RBBP6: variants seen among roughly 807,000 people sequenced by gnomAD.
The protein encoded by RBBP6 is RB binding protein 6, ubiquitin ligase, also known as E3 ubiquitin-protein ligase RBBP6.
Under a neutral mutation model 167.7 loss-of-function variants are expected in RBBP6, and 25 were observed. The observed-to-expected ratio is 0.15, with a 90% CI of 0.11 to 0.21. The LOEUF is 0.21. Among genes scored for constraint, RBBP6 ranks in the 10% least tolerant of loss-of-function variants. RBBP6 has a pLI of 1.00. For missense variants in RBBP6, 1,868 were observed against 2,134.2 expected (o/e 0.88, Z 2.46); for synonymous variants, 789 against 735.8 (o/e 1.07, Z -1.17).
In RBBP6 at chr16:24,568,923, C is replaced by T. The variant is rs201619306; in HGVS notation, c.2233C>T (p.Arg745Cys). The T allele has an allele frequency of 4.3e-6, 7 of 1,614,224 alleles. No homozygotes were observed. The highest frequency in any genetic ancestry group is 1.7e-5 in the Admixed American group (1 of 60,028). ...RRGRGKSRNY[R>C]SRSRSHGYHR... is the part of the protein sequence containing the mutation. ...AGGCAGAGGCAAGAGCCGCAATTAC[C>T]GTTCACGGTCTAGATCTCATGGATA... Residue 745 changes from arginine to cysteine, a missense_variant, in exon 17 of 18, where the codon CGT becomes TGT. Around this residue, in one of 7 missense-constraint regions of RBBP6, gnomAD observed 673 missense variants for 691.5 expected, o/e 0.97. Transcript: ENST00000319715.
At chr16:24,550,209 A>G (rs917616696) in intron 3 of RBBP6, among the ~76,000 whole-genome samples, 38 of 151,926 alleles carry the variant, frequency 2.5e-4, no homozygotes, top group African/African-American at 7.5e-4. Context: ...ATTGGATCTT[A>G]AACATGATAA....
chr16:24,562,840 G>C (rs1222703684), intron 10 of RBBP6, among the ~76,000 whole-genome samples: 1 of 152,190 alleles, frequency 6.6e-6, no homozygotes, highest in Non-Finnish European at 1.5e-5. Flanking sequence ...TTCTATGGCT[G>C]ACCCAAGATT....
In RBBP6 at chr16:24,540,451, A is replaced by C; in HGVS notation, c.-176A>C. 1.9e-6 allele frequency: 1 copy of C among 535,670 alleles called. No homozygotes were observed. The highest frequency in any genetic ancestry group is 4.9e-4 in the Middle Eastern group (1 of 2,050). The allele number at this position is 535,670 out of a possible 1,614,324, so 33.2% of individuals were successfully genotyped here. Reference sequence around the variant, plus strand: ...ATTCTGAGTATCGGGGGGTCTCTGGATTATTGTTCTGACGAACCCCTGCTT... The same window carrying C: ...ATTCTGAGTATCGGGGGGTCTCTGGCTTATTGTTCTGACGAACCCCTGCTT... On this transcript the variant is annotated 5_prime_UTR_variant, in exon 1 of 18. Transcript: ENST00000319715.
chr16:24,561,405 G>T (rs1899051654), intron 8 of RBBP6, among the ~76,000 whole-genome samples: 1 of 152,182 alleles, frequency 6.6e-6, no homozygotes, highest in Non-Finnish European at 1.5e-5. Flanking sequence ...CTTCTTTTTA[G>T]CGTAGCATAG....
chr16:24,569,545 A>G lies in RBBP6; in HGVS notation c.2855A>G (p.Glu952Gly). ...GAAAGTGAGGGTTTTCTGAACCCAG[A>G]GTTATTAGAGACTTCTAGGAAATCA... ...GEESEGFLNP[E>G]LLETSRKSRE... Residue 952 changes from glutamate to glycine, a missense_variant, in exon 17 of 18, where the codon GAG becomes GGG. Physicochemically the swap from Glu to Gly is moderately conservative, Grantham distance 98. This residue lies in a region of RBBP6 where 673 missense variants were observed against 691.5 expected (regional missense o/e 0.97). Coordinates refer to ENST00000319715, the MANE Select transcript of RBBP6 (RefSeq NM_006910.5). 1.9e-6 allele frequency: 3 copies of G among 1,612,046 alleles called. No homozygotes were observed. Among genetic ancestry groups the G allele is most frequent in the Non-Finnish European group, 2.5e-6 (3 of 1,179,504 alleles).
In RBBP6 at chr16:24,569,845, C is replaced by T; in HGVS notation, c.3155C>T (p.Ser1052Phe). The T allele has an allele frequency of 6.2e-7, 1 of 1,610,974 alleles. No individual in the cohort carries two copies. The highest frequency in any genetic ancestry group is 8.5e-7 in the Non-Finnish European group (1 of 1,179,308). Residue 1052 changes from serine to phenylalanine, a missense_variant, in exon 17 of 18, where the codon TCT (serine) becomes TTT (phenylalanine). Ser to Phe is a radical substitution (Grantham distance 155, BLOSUM62 -2). Around this residue, in one of 7 missense-constraint regions of RBBP6, gnomAD observed 673 missense variants for 691.5 expected, o/e 0.97. Coordinates refer to ENST00000319715, the MANE Select transcript of RBBP6 (RefSeq NM_006910.5). ...QEKVDGERER[S>F]PRSEPPIKKA... is the part of the protein sequence containing the mutation. ...AAAGTAGATGGAGAACGTGAGAGAT[C>T]TCCTCGATCTGAACCTCCAATTAAA...
chr16:24,562,217 T>G, intron 10 of RBBP6, 56 bp downstream of exon 10: 8 of 1,471,128 alleles, frequency 5.4e-6, no homozygotes, highest in Non-Finnish European at 7.5e-6. Context: ...GATGTAGTGT[T>G]TTGTTGTTGG....
Position 24,571,282 on chromosome 16 carries a change from C to G in RBBP6, c.4216C>G (p.Arg1406Gly), listed in dbSNP as rs766418375. 3 of 1,612,486 alleles carry G rather than the reference C, an allele frequency of 1.9e-6. No homozygotes were observed. The highest frequency in any genetic ancestry group is 1.7e-5 in the Admixed American group (1 of 59,702). The stretch of plus-strand genomic sequence containing the variant: ...TAGTGAAAAAGGGAAAACCAAAGAT[C>G]GAGATTATTCAGTGTTGGAAAAGGA... ...ASSEKGKTKDRDYSVLEKENP... is the reference protein window; with the variant it reads ...ASSEKGKTKDGDYSVLEKENP... The change falls in exon 18 of 18, where the codon CGA becomes GGA. Residue 1406 changes from arginine to glycine, a missense_variant. Physicochemically the swap from Arg to Gly is moderately radical, Grantham distance 125. Around this residue, in one of 7 missense-constraint regions of RBBP6, gnomAD observed 591 missense variants for 540.5 expected, o/e 1.09. Coordinates refer to ENST00000319715, the MANE Select transcript of RBBP6 (RefSeq NM_006910.5).
chr16:24,555,960 CT>C (rs1358030229), intron 6 of RBBP6, 43 bp downstream of exon 6: 1 of 1,477,328 alleles, frequency 6.8e-7, no homozygotes, highest in East Asian at 2.3e-5. Flanking sequence ...ACTTTTTTTC[CT>C]TTGGAATTGT....
intron 3 of RBBP6, among the ~76,000 whole-genome samples, chr16:24,551,677 AT>A (rs201356943): frequency 2.0e-5 from 3 of 149,662 alleles, no homozygotes; most frequent in Non-Finnish European, 3.0e-5. Context: ...GAGTGGGAAG[AT>A]TTTTTTTTTA....
rs968809099 is a variant in RBBP6 at position 24,543,445 on chromosome 16, G to T, written c.166+2653G>T. ...CTACAGCCACACACCACCATGCCTG[G>T]CTAATTTATTGTAATTTTTTTTTAT... On this transcript the variant is annotated intron_variant, in intron 1 of 17. Transcript: ENST00000319715. Among the ~76,000 whole-genome samples the T allele has an allele frequency of 2.6e-5, 4 of 151,982 alleles. 1 individual carries two copies. The South Asian group carries it at 8.3e-4, about 32-fold the overall frequency.
At position 24,571,459 on chromosome 16, in the gene RBBP6, A is replaced by G. The variant is rs761191790; in HGVS notation, c.4393A>G (p.Lys1465Glu). ...TGATTCCACTCGTGCTTCCTCAAAT[A>G]AAGACTTCACTCCCAATAGAGACAA... The part of the protein sequence containing the change: ...KHDSTRASSN[K>E]DFTPNRDKKT... Residue 1465 changes from lysine to glutamate, a missense_variant, in exon 18 of 18, where the codon AAA becomes GAA. By Grantham distance (56) the Lys-to-Glu change is moderately conservative (BLOSUM62 1). Around this residue, in one of 7 missense-constraint regions of RBBP6, gnomAD observed 591 missense variants for 540.5 expected, o/e 1.09. Coordinates refer to ENST00000319715, the MANE Select transcript of RBBP6 (RefSeq NM_006910.5). The G allele has an allele frequency of 2.5e-6, 4 of 1,612,958 alleles. No individual in the cohort carries two copies. Among genetic ancestry groups the G allele is most frequent in the South Asian group, 2.2e-5 (2 of 90,770 alleles).
Position 24,546,258 on chromosome 16 carries a change from G to T in RBBP6, c.262G>T (p.Val88Phe). 1.3e-6 allele frequency: 2 copies of T among 1,563,114 alleles called. No homozygotes were observed. Among genetic ancestry groups the T allele is most frequent in the East Asian group, 2.3e-5 (1 of 43,374 alleles). ...GGVKSTSKTY[V>F]ISRTEPAMAT... ...TGTTAAATCTACAAGCAAGACATAT[G>T]TTATGTAAGTATCAAATCTCATGTA... The change falls in exon 2 of 18, where the codon GTT (valine) becomes TTT (phenylalanine). Residue 88 changes from valine (V) to phenylalanine (F), a missense_variant. Transcript: ENST00000319715.
chr16:24,565,406 C>T (rs920356091), intron 14 of RBBP6, among the ~76,000 whole-genome samples: 1 of 152,188 alleles, frequency 6.6e-6, no homozygotes. Context: ...GTCAGGGGTC[C>T]CCAACCCTGG....
In RBBP6 at chr16:24,572,315, A is replaced by G. The variant is rs771830190; in HGVS notation, c.5249A>G (p.His1750Arg). 2.0e-5 allele frequency: 32 copies of G among 1,572,772 alleles called. No homozygotes were observed. Among genetic ancestry groups the G allele is most frequent in the Middle Eastern group, 1.7e-4 (1 of 6,022 alleles). Residue 1750 changes from histidine (H) to arginine (R), a missense_variant, in exon 18 of 18, where the codon CAT becomes CGT. By Grantham distance (29) the His-to-Arg change is conservative. Around this residue, in one of 7 missense-constraint regions of RBBP6, gnomAD observed 591 missense variants for 540.5 expected, o/e 1.09. Transcript: ENST00000319715. ...KHKKHKKHKKHAGTEVELEKS... is the reference protein window; with the variant it reads ...KHKKHKKHKKRAGTEVELEKS... ...AAAAAGCATAAGAAGCATAAGAAAC[A>G]TGCAGGCACTGAAGTGGAATTGGAA...
Position 24,569,735 on chromosome 16 carries a change from G to C in RBBP6, c.3045G>C (p.Lys1015Asn). ...DKRERDKPKA[K>N]GDKTKRKNDG... ...GAGAAAGGGATAAACCAAAAGCAAA[G>C]GGTGATAAAACCAAACGGAAGAATG... is the stretch of plus-strand genomic sequence containing the variant. Residue 1015 changes from lysine (K) to asparagine (N), a missense_variant, in exon 17 of 18, where the codon AAG becomes AAC. Physicochemically the swap from Lys to Asn is moderately conservative, Grantham distance 94. Transcript: ENST00000319715. The C allele has an allele frequency of 6.2e-7, 1 of 1,614,058 alleles. No individual in the cohort carries two copies.
In RBBP6 at chr16:24,559,539, C is replaced by G; in HGVS notation, c.709C>G (p.Pro237Ala). The G allele has an allele frequency of 6.2e-7, 1 of 1,601,980 alleles. No homozygotes were observed. The highest frequency in any genetic ancestry group is 8.5e-7 in the Non-Finnish European group (1 of 1,175,812). The change falls in exon 8 of 18, where the codon CCC becomes GCC. Residue 237 changes from proline (P) to alanine (A), a missense_variant. Coordinates refer to ENST00000319715, the MANE Select transcript of RBBP6 (RefSeq NM_006910.5). ...AYAIGKKEKP[P>A]FLPEEPSSSS... ...TGCAATTGGGAAGAAAGAGAAACCT[C>G]CCTTCTTACCAGAGGAGCCATCTTC...
intron 4 of RBBP6, chr16:24,554,721 C>G (rs2056609748): frequency 6.7e-6 from 1 of 148,202 alleles, no homozygotes. Context: ...CTATTCCTAC[C>G]ATTGTTTCTT....
rs148213620 is a variant in RBBP6 at position 24,551,750 on chromosome 16, A to T, written c.304-1763A>T. ...ATATAATTGTTTTCTTTCCAAGGAA[A>T]TCATCAGTATTTATATTCTATTCTA... On this transcript the variant is annotated intron_variant, in intron 3 of 17. Transcript: ENST00000319715. Among the ~76,000 whole-genome samples the T allele has an allele frequency of 2.4e-4, 37 of 151,836 alleles. No homozygotes were observed. The East Asian group carries it at 7.1e-3, about 29-fold the overall frequency.
Sources: gnomAD v4.1 joint callset for allele counts (sites outside exome capture counted in the v4.1 genomes callset) on GRCh38, gnomAD v4.1.1 for gene constraint, gnomAD v4.1.1 regional missense constraint, MANE v1.5 for transcripts, NCBI Gene and HGNC (gene_info 2026-07-23, HGNC 2026-07-21) for gene names.